The following INPP5B variants were observed in gnomAD, a reference collection of about 807,000 sequenced individuals.
The protein encoded by INPP5B is inositol polyphosphate-5-phosphatase B, also known as type II inositol 1,4,5-trisphosphate 5-phosphatase.
In INPP5B, 90 loss-of-function variants were observed where a neutral mutation model predicts 118.5. The ratio of observed to expected loss-of-function variants is 0.76; its 90% confidence interval spans 0.64 to 0.90. The LOEUF (loss-of-function observed/expected upper bound fraction) is 0.90. INPP5B is among the 40% of genes least tolerant of loss of function. The probability of loss-of-function intolerance (pLI) is 0.00; values close to 1 mark genes in which losing one functional copy is unlikely to be tolerated. For synonymous variants in INPP5B, 385 were observed against 418.9 expected (o/e 0.92, Z 0.99); for missense variants, 984 against 1,125.6 (o/e 0.87, Z 1.80).
chr1:37,868,509 C>G lies in INPP5B; in HGVS notation c.2293G>C (p.Val765Leu), dbSNP rs746619799. 6.2e-7 allele frequency: 1 copy of G among 1,611,704 alleles called. No individual in the cohort carries two copies. The highest frequency in any genetic ancestry group is 2.2e-5 in the East Asian group (1 of 44,882). Residue 765 changes from valine (V) to leucine (L), a missense_variant, in exon 20 of 24, where the codon GTC becomes CTC. This residue lies in a region of INPP5B where 634 missense variants were observed against 791.0 expected (regional missense o/e 0.80). Transcript: ENST00000373024. ...MMVDYLYRNA[V>L]QQEDLFQQPG... ...GCTTAAACACAACCTACCTGCTGGA[C>G]AGCATTTCGGTACAGGTAATCAACC...
At chr1:37,894,738 T>G (rs1167341679) in intron 7 of INPP5B, among the ~76,000 whole-genome samples, 1 of 152,056 alleles carries the variant, frequency 6.6e-6, no homozygotes, top group Non-Finnish European at 1.5e-5. Flanking sequence ...ATTTTTGTAT[T>G]TTTGGTAGAG....
In INPP5B at chr1:37,866,488, C is replaced by T. The variant is rs1642057704; in HGVS notation, c.2357G>A (p.Cys786Tyr). The T allele has an allele frequency of 6.2e-7, 1 of 1,607,972 alleles. No homozygotes were observed. The highest frequency in any genetic ancestry group is 8.5e-7 in the Non-Finnish European group (1 of 1,174,788). The change falls in exon 21 of 24, where the codon TGC (cysteine) becomes TAC (tyrosine). Residue 786 changes from cysteine (C) to tyrosine (Y), a missense_variant. By Grantham distance (194) the Cys-to-Tyr change is radical. Around this residue, in one of 2 missense-constraint regions of INPP5B, gnomAD observed 634 missense variants for 791.0 expected, o/e 0.80. Transcript: ENST00000373024. ...GTTATCAATCATTCCAGTATCCAAG[C>T]AGTCCCTGATATGTTCAAATTCTGA... ...LRSEFEHIRD[C>Y]LDTGMIDNLS...
chr1:37,902,635 G>A (rs904992787), intron 7 of INPP5B, among the ~76,000 whole-genome samples: 1 of 152,012 alleles, frequency 6.6e-6, no homozygotes, highest in Non-Finnish European at 1.5e-5. Flanking sequence ...TCGGCTCACT[G>A]CAACCTCCAC....
intron 7 of INPP5B, among the ~76,000 whole-genome samples, chr1:37,908,536 G>A (rs995690180): frequency 3.3e-5 from 5 of 150,672 alleles, no homozygotes; most frequent in Admixed American, 6.6e-5. Context: ...CCAGGAGTTC[G>A]AGACCTGCCT....
At chr1:37,912,590 C>T (rs1448779128) in intron 7 of INPP5B, among the ~76,000 whole-genome samples, 1 of 152,138 alleles carries the variant, frequency 6.6e-6, no homozygotes, top group African/African-American at 2.4e-5. Context: ...CTTGTAAATG[C>T]CCTGCCCTTG....
At chr1:37,919,785 A>G (rs1464025832) in intron 7 of INPP5B, among the ~76,000 whole-genome samples, 1 of 151,296 alleles carries the variant, frequency 6.6e-6, no homozygotes, top group Non-Finnish European at 1.5e-5. Flanking sequence ...CTAAAAATAC[A>G]AAAAAAAATT....
chr1:37,931,997 C>A lies in INPP5B; in HGVS notation c.448G>T (p.Ala150Ser). 6.2e-7 allele frequency: 1 copy of A among 1,612,758 alleles called. No individual in the cohort carries two copies. The highest frequency in any genetic ancestry group is 8.5e-7 in the Non-Finnish European group (1 of 1,179,370). The change falls in exon 7 of 24, where the codon GCA becomes TCA. Residue 150 changes from alanine (A) to serine (S), a missense_variant. Ala to Ser is a moderately conservative substitution (Grantham distance 99). This residue lies in a region of INPP5B where 350 missense variants were observed against 334.6 expected (regional missense o/e 1.05). Transcript: ENST00000373024. ...GTTGGCATCTCCAGCTCCAGCTCTGCGCACCTATACCGAGACAGCCACAGG... is the reference window on the plus strand; with the variant it reads ...GTTGGCATCTCCAGCTCCAGCTCTGAGCACCTATACCGAGACAGCCACAGG... ...EFLWLSRYRCAELELEMPTPR... is the reference protein window; with the variant it reads ...EFLWLSRYRCSELELEMPTPR...
chr1:37,931,601 C>A, intron 7 of INPP5B: 1 of 1,538,178 alleles, frequency 6.5e-7, no homozygotes, highest in Non-Finnish European at 8.7e-7. Flanking sequence ...GCCGACCCTG[C>A]CCACCCGAGG....
intron 7 of INPP5B, chr1:37,931,460 C>A (rs775766055): frequency 6.5e-7 from 1 of 1,531,510 alleles, no homozygotes; most frequent in Admixed American, 2.0e-5. Context: ...TTCCCAAGTA[C>A]CCCATTCCCA....
At chr1:37,920,658 C>G (rs558076782) in intron 7 of INPP5B, among the ~76,000 whole-genome samples, 2 of 142,644 alleles carry the variant, frequency 1.4e-5, no homozygotes, top group South Asian at 4.6e-4. Flanking sequence ...GAGTGAGACT[C>G]TGTCTCAAAA....
chr1:37,877,411 T>C (rs936778503), intron 16 of INPP5B, among the ~76,000 whole-genome samples: 6 of 151,876 alleles, frequency 4.0e-5, no homozygotes, highest in African/African-American at 1.2e-4. Flanking sequence ...AAATGTAATC[T>C]AACATGATAA....
chr1:37,895,434 G>C (rs1373193966), intron 7 of INPP5B, among the ~76,000 whole-genome samples: 10 of 152,104 alleles, frequency 6.6e-5, no homozygotes, highest in African/African-American at 2.4e-4. Context: ...TTTGAGATCA[G>C]CTTGGACAAT....
intron 22 of INPP5B, 107 bp downstream of exon 22, chr1:37,865,654 A>G: frequency 8.2e-7 from 1 of 1,225,128 alleles, no homozygotes; most frequent in Non-Finnish European, 1.2e-6. Context: ...AGGAAAGATA[A>G]GGTGTTCAGT....
intron 6 of INPP5B, among the ~76,000 whole-genome samples, chr1:37,936,842 C>T (rs1440226793): frequency 1.3e-5 from 2 of 150,670 alleles, no homozygotes; most frequent in Non-Finnish European, 2.9e-5. Flanking sequence ...GCTGGGATTA[C>T]AGGCATGAGC....
intron 7 of INPP5B, among the ~76,000 whole-genome samples, chr1:37,911,173 G>T (rs1244096520): frequency 6.6e-6 from 1 of 152,124 alleles, no homozygotes; most frequent in Non-Finnish European, 1.5e-5. Context: ...ACTTTTAGAG[G>T]CCCTCAAAAT....
intron 13 of INPP5B, 189 bp downstream of exon 13, chr1:37,885,449 G>T: frequency 2.0e-6 from 1 of 510,970 alleles, no homozygotes; most frequent in East Asian, 3.1e-5. Flanking sequence ...AAAGACTCAA[G>T]AGATCTGCCA....
chr1:37,933,660 C>T (rs979508497), intron 6 of INPP5B, among the ~76,000 whole-genome samples: 1 of 151,760 alleles, frequency 6.6e-6, no homozygotes, highest in African/African-American at 2.4e-5. Flanking sequence ...GTGGAGGTTG[C>T]AGTGAGCCAA....
chr1:37,920,268 C>T (rs1557698231), intron 7 of INPP5B, among the ~76,000 whole-genome samples: 1 of 152,150 alleles, frequency 6.6e-6, no homozygotes, highest in Non-Finnish European at 1.5e-5. Context: ...TTAACTTCAG[C>T]AAAAGCACAA....
intron 13 of INPP5B, chr1:37,884,940 A>C (rs1643432534): frequency 6.6e-6 from 1 of 151,942 alleles, no homozygotes; most frequent in African/African-American, 2.4e-5. Context: ...ACAGAGCAAG[A>C]CTCCGTCTCA....
Sources: allele counts gnomAD v4.1 joint callset (sites outside exome capture counted in the v4.1 genomes callset), GRCh38; gene constraint gnomAD v4.1.1; regional missense constraint gnomAD v4.1.1; transcripts MANE v1.5; gene names NCBI Gene and HGNC (gene_info 2026-07-23, HGNC 2026-07-21).